The following OTOGL variants were observed in gnomAD, a reference collection of about 807,000 sequenced individuals.
OTOGL encodes the protein otogelin-like protein.
In OTOGL, 285 loss-of-function variants were observed where a neutral mutation model predicts 318.5. That is an observed-to-expected ratio of 0.89 (90% confidence interval 0.81 to 0.99). The LOEUF (loss-of-function observed/expected upper bound fraction) is 0.99, where lower values mean the gene tolerates loss of function less well. Ranked by LOEUF, OTOGL falls within the 50% of genes least tolerant of loss-of-function variation. OTOGL has a pLI of 0.00. For missense variants in OTOGL, 2,899 were observed against 2,845.6 expected (o/e 1.02, Z -0.43); for synonymous variants, 987 against 936.5 (o/e 1.05, Z -0.99).
At chr12:80,338,980 G>A in intron 42 of OTOGL, 95 bp from the exon 43 acceptor site, 1 of 1,048,750 alleles carries the variant, frequency 9.5e-7, no homozygotes, top group Non-Finnish European at 1.3e-6. Context: ...TTAAAAAATA[G>A]TTTACATTAA....
Position 80,217,630 on chromosome 12 carries a change from T to C in OTOGL, c.201T>C (p.His67=), listed in dbSNP as rs767305574. ...FEATSPRYFF[H]DAINWGESKI... is the part of the protein sequence containing the mutation. ...CTACTTCTCCGAGATACTTTTTCCA[T>C]GATGCTATTAATTGGGGTGAGAGCA... Residue 67 remains histidine (H), a synonymous_variant, in exon 5 of 59, where the codon CAT becomes CAC. Coordinates refer to ENST00000547103, the MANE Select transcript of OTOGL (RefSeq NM_001378609.3). 98 of 1,555,474 alleles carry C rather than the reference T, an allele frequency of 6.3e-5. No individual in the cohort carries two copies. The highest frequency in any genetic ancestry group is 8.0e-5 in the Non-Finnish European group (92 of 1,149,208).
chr12:80,155,078 T>C (rs958823743), intron 1 of OTOGL, among the ~76,000 whole-genome samples: 2 of 152,238 alleles, frequency 1.3e-5, no homozygotes, highest in Non-Finnish European at 2.9e-5. Flanking sequence ...TCTGTATATC[T>C]TCTTTGGTGA....
chr12:80,211,691 C>T (rs1049825248), intron 3 of OTOGL, among the ~76,000 whole-genome samples: 4 of 152,090 alleles, frequency 2.6e-5, no homozygotes, highest in Non-Finnish European at 5.9e-5. Flanking sequence ...TCTCAAAGTT[C>T]CTTCCTAATA....
chr12:80,320,676 C>T lies in OTOGL; in HGVS notation c.4057C>T (p.His1353Tyr). The change falls in exon 34 of 59, where the codon CAT (histidine) becomes TAT (tyrosine). Residue 1353 changes from histidine to tyrosine, a missense_variant. By Grantham distance (83) the His-to-Tyr change is moderately conservative. This residue lies in a region of OTOGL where 2,607 missense variants were observed against 2,524.9 expected (regional missense o/e 1.03). Coordinates refer to ENST00000547103, the MANE Select transcript of OTOGL (RefSeq NM_001378609.3). ...SKYDDSEEFK[H>Y]SSSFSIEEIQ... ...ATATGATGATTCTGAAGAATTTAAA[C>T]ATTCAAGTAGCTTCAGCATAGAAGG... The T allele has an allele frequency of 6.2e-7, 1 of 1,605,630 alleles. No homozygotes were observed. Among genetic ancestry groups the T allele is most frequent in the Non-Finnish European group, 8.5e-7 (1 of 1,175,658 alleles).
chr12:80,359,204 T>G (rs367768531), intron 52 of OTOGL, among the ~76,000 whole-genome samples: 19 of 152,226 alleles, frequency 1.2e-4, no homozygotes, highest in Non-Finnish European at 2.8e-4. Flanking sequence ...TAATATTGAG[T>G]GGTGTTGCTA....
chr12:80,208,271 CTG>C (rs767028224), intron 1 of OTOGL: 5 of 508,520 alleles, frequency 9.8e-6, no homozygotes, highest in Non-Finnish European at 2.0e-5. Context: ...AAACAGGAAA[CTG>C]TTTATATAAT....
At chr12:80,268,887 G>T in intron 22 of OTOGL, among the ~76,000 whole-genome samples, 1 of 144,390 alleles carries the variant, frequency 6.9e-6, no homozygotes, top group African/African-American at 2.6e-5. Flanking sequence ...CATGATTAAT[G>T]TATGTAAACT....
At chr12:80,303,810 C>A (rs752126273) in intron 28 of OTOGL, among the ~76,000 whole-genome samples, 1 of 152,162 alleles carries the variant, frequency 6.6e-6, no homozygotes, top group East Asian at 1.9e-4. Flanking sequence ...GATCCAATCA[C>A]CTCTCACCAG....
At chr12:80,263,754 C>G (rs1266402412) in intron 19 of OTOGL, among the ~76,000 whole-genome samples, 1 of 151,806 alleles carries the variant, frequency 6.6e-6, no homozygotes, top group Non-Finnish European at 1.5e-5. Context: ...AATAAGTAGA[C>G]AAAAGTCAAT....
At chr12:80,321,322 G>A (rs1474521567) in intron 34 of OTOGL, among the ~76,000 whole-genome samples, 1 of 152,126 alleles carries the variant, frequency 6.6e-6, no homozygotes, top group African/African-American at 2.4e-5. Context: ...TCTATCTTGA[G>A]TCTCCTCAAG....
At chr12:80,276,083 T>G (rs1202519155) in intron 24 of OTOGL, among the ~76,000 whole-genome samples, 1 of 151,778 alleles carries the variant, frequency 6.6e-6, no homozygotes, top group Non-Finnish European at 1.5e-5. Flanking sequence ...CTTTTCCTTC[T>G]TCCAGTTTTG....
chr12:80,099,938 G>A (rs1869035703), intron 1 of OTOGL, among the ~76,000 whole-genome samples: 1 of 152,052 alleles, frequency 6.6e-6, no homozygotes, highest in Non-Finnish European at 1.5e-5. Flanking sequence ...TTCCACTCCT[G>A]GTCCCGTGTT....
rs768350893 is a variant in OTOGL at position 80,271,823 on chromosome 12, T to G, written c.2681+13T>G. On this transcript the variant is annotated intron_variant, in intron 24 of 58. Coordinates refer to ENST00000547103, the MANE Select transcript of OTOGL (RefSeq NM_001378609.3). ...TTTGTGCTCCAGGGTAAGCCTCTTC[T>G]TCATAATACAGAACATTCAGGATTT... 1.9e-6 allele frequency: 3 copies of G among 1,605,172 alleles called. No individual in the cohort carries two copies. In the South Asian group the frequency reaches 3.3e-5, roughly 18 times the overall value.
At chr12:80,210,739 C>T in intron 2 of OTOGL, 108 bp from the exon 3 acceptor site, 2 of 843,622 alleles carry the variant, frequency 2.4e-6, no homozygotes, top group South Asian at 2.6e-5. Context: ...CAGCAAACTT[C>T]AATCAGAATT....
chr12:80,124,431 G>A (rs375705186), intron 1 of OTOGL, among the ~76,000 whole-genome samples: 4 of 152,178 alleles, frequency 2.6e-5, no homozygotes, highest in Admixed American at 2.0e-4. Context: ...TGCTGTTTTG[G>A]TTACTGTAGC....
intron 1 of OTOGL, among the ~76,000 whole-genome samples, chr12:80,151,831 G>A (rs1406556): frequency 0.53 from 80,340 of 152,036 alleles, 22,257 homozygotes; most frequent in African/African-American, 0.71. Flanking sequence ...ACATTTAAAA[G>A]TTACAATGAA....
At chr12:80,191,445 TA>T (rs1416949828) in intron 1 of OTOGL, among the ~76,000 whole-genome samples, 1 of 151,758 alleles carries the variant, frequency 6.6e-6, no homozygotes, top group Non-Finnish European at 1.5e-5. Context: ...AATAAATAAA[TA>T]AAAAAAATAA....
chr12:80,250,155 G>A (rs978384963), intron 11 of OTOGL, among the ~76,000 whole-genome samples: 9 of 152,168 alleles, frequency 5.9e-5, no homozygotes, highest in African/African-American at 1.9e-4. Flanking sequence ...GCTGTAGACC[G>A]GAGCTGTTCC....
Position 80,278,309 on chromosome 12 carries a change from CTAAG to C in OTOGL, c.2789+38_2789+41del, listed in dbSNP as rs1263159917. The C allele has an allele frequency of 8.5e-6, 12 of 1,413,358 alleles. No homozygotes were observed. In the African/African-American group the frequency reaches 1.3e-4, roughly 15 times the overall value. The allele number at this position is 1,413,358 out of a possible 1,614,324, so 87.6% of individuals were successfully genotyped here. A position where few individuals can be genotyped will look rare whatever the true frequency, so the allele number is the denominator to read the frequency against. The stretch of plus-strand genomic sequence containing the variant: ...ATCCATTTATTTCACAAATATTTTC[CTAAG>C]TAATTGTGTAAATTTCAATCATCTT... On this transcript the variant is annotated intron_variant, in intron 25 of 58. Coordinates refer to ENST00000547103, the MANE Select transcript of OTOGL (RefSeq NM_001378609.3).
Sources: allele counts gnomAD v4.1 joint callset (sites outside exome capture counted in the v4.1 genomes callset), GRCh38; gene constraint gnomAD v4.1.1; regional missense constraint gnomAD v4.1.1; transcripts MANE v1.5; gene names NCBI Gene and HGNC (gene_info 2026-07-23, HGNC 2026-07-21).